ZBBX: variants seen among roughly 807,000 people sequenced by gnomAD.
ZBBX encodes the protein zinc finger B-box domain containing, also known as zinc finger B-box domain-containing protein 1.
Under a neutral mutation model 108.5 loss-of-function variants are expected in ZBBX, and 101 were observed. The observed-to-expected ratio is 0.93, with a 90% CI of 0.79 to 1.10. The LOEUF is 1.10. Ranked by LOEUF, ZBBX falls within the 50% of genes least tolerant of loss-of-function variation. The pLI is 0.00. For synonymous variants in ZBBX, 356 were observed against 323.4 expected (o/e 1.10, Z -1.08); for missense variants, 1,009 against 941.4 (o/e 1.07, Z -0.94).
At chr3:167,229,143 T>C in the ZBBX span, among the ~76,000 whole-genome samples, 3 of 151,916 alleles carry the variant, frequency 2.0e-5, no homozygotes, top group South Asian at 6.2e-4. Flanking sequence ...TGATCATCAA[T>C]GAACTTATTA....
chr3:167,280,126 A>G (rs1268984338), intron 20 of ZBBX, among the ~76,000 whole-genome samples: 1 of 152,208 alleles, frequency 6.6e-6, no homozygotes, highest in African/African-American at 2.4e-5. Flanking sequence ...TAAACTTTAG[A>G]CCAAAAACCA....
At chr3:167,404,132 G>A (rs917745224) in intron 1 of ZBBX, among the ~76,000 whole-genome samples, 6 of 151,950 alleles carry the variant, frequency 3.9e-5, no homozygotes, top group Admixed American at 2.0e-4. Flanking sequence ...GACCTGGTTC[G>A]GCTATATGAA....
the ZBBX span, among the ~76,000 whole-genome samples, chr3:167,181,917 C>T: frequency 6.6e-6 from 1 of 152,152 alleles, no homozygotes; most frequent in East Asian, 1.9e-4. Flanking sequence ...ATCTTTTGTG[C>T]AGCATAAATC....
chr3:167,235,491 G>A (rs1459973698), downstream of ZBBX, among the ~76,000 whole-genome samples: 6 of 151,368 alleles, frequency 4.0e-5, no homozygotes, highest in Non-Finnish European at 7.4e-5. Flanking sequence ...TAACTAGAAT[G>A]TGTAGATATA....
intron 1 of ZBBX, among the ~76,000 whole-genome samples, chr3:167,401,925 A>G (rs142953699): frequency 6.6e-6 from 1 of 152,262 alleles, no homozygotes; most frequent in African/African-American, 2.4e-5. Context: ...CTGTCAATGA[A>G]CCATGAAAGG....
chr3:167,305,134 C>T (rs75080861), intron 17 of ZBBX, among the ~76,000 whole-genome samples: 7,636 of 152,016 alleles, frequency 0.05, 527 homozygotes, highest in African/African-American at 0.15. Context: ...TAATGAGCTA[C>T]TTTACCTTTC....
rs114880266 is a variant in ZBBX at position 167,268,151 on chromosome 3, G to A, written c.2254+14087C>T. Among the ~76,000 whole-genome samples the A allele has an allele frequency of 6.1e-3, 932 of 152,110 alleles. 6 individuals are homozygous for A. Among genetic ancestry groups the A allele is most frequent in the African/African-American group, 0.022 (904 of 41,468 alleles). On this transcript the variant is annotated intron_variant, in intron 20 of 21. Transcript: ENST00000675490. ...CTTGAGAGAGGTACCACAAGGAGGA[G>A]GTGCTATTGGCTTTGTAAGTGCTCC...
intron 1 of ZBBX, among the ~76,000 whole-genome samples, chr3:167,399,058 C>T (rs1198192512): frequency 2.6e-5 from 4 of 151,886 alleles, no homozygotes; most frequent in Non-Finnish European, 5.9e-5. Context: ...TTCGGAGTCC[C>T]CACCACCAAG....
chr3:167,312,773 A>G (rs1734810295), intron 16 of ZBBX, among the ~76,000 whole-genome samples: 1 of 152,180 alleles, frequency 6.6e-6, no homozygotes, highest in Non-Finnish European at 1.5e-5. Flanking sequence ...TGTACTTTAT[A>G]TTTGGCCATA....
chr3:167,224,790 G>C, the ZBBX span, among the ~76,000 whole-genome samples: 1 of 151,818 alleles, frequency 6.6e-6, no homozygotes, highest in Non-Finnish European at 1.5e-5. Flanking sequence ...GCAAATGGCA[G>C]TACTATCTCC....
In ZBBX at chr3:167,317,033, G is replaced by A; in HGVS notation, c.1166C>T (p.Pro389Leu). 1 of 1,608,276 alleles carries A rather than the reference G, an allele frequency of 6.2e-7. No individual in the cohort carries two copies. Among genetic ancestry groups the A allele is most frequent in the Non-Finnish European group, 8.5e-7 (1 of 1,176,654 alleles). ...ATCCAGTTCGACTATCTTTAGAGAT[G>A]GTTCAGGTCTCTCTATGTTTAATGT... ...VETLNIERPE[P>L]SLKIVELDDT... The change falls in exon 14 of 22, where the codon CCA (proline) becomes CTA (leucine). Residue 389 changes from proline (P) to leucine (L), a missense_variant. Transcript: ENST00000675490.
At chr3:167,216,394 A>T in the ZBBX span, among the ~76,000 whole-genome samples, 24 of 152,072 alleles carry the variant, frequency 1.6e-4, no homozygotes, top group Admixed American at 4.6e-4. Context: ...CAAAAATAAT[A>T]TATCTAGAAT....
Position 167,327,955 on chromosome 3 carries a change from A to G in ZBBX, c.849T>C (p.His283=), listed in dbSNP as rs757171286. The G allele has an allele frequency of 6.5e-7, 1 of 1,541,612 alleles. No individual in the cohort carries two copies. Among genetic ancestry groups the G allele is most frequent in the Non-Finnish European group, 8.9e-7 (1 of 1,129,390 alleles). The change falls in exon 11 of 22, where the codon CAT becomes CAC. Residue 283 remains histidine (H), a synonymous_variant. Coordinates refer to ENST00000675490, the MANE Select transcript of ZBBX (RefSeq NM_001199201.2). ...AAAAAGCCATACCTTTTACTGCTGCATGTAAATTCTGTTTCTTGTTGTCAT... is the reference window on the plus strand; with the variant it reads ...AAAAAGCCATACCTTTTACTGCTGCGTGTAAATTCTGTTTCTTGTTGTCAT... The part of the protein sequence containing the change: ...NHDDNKKQNL[H]AAVKDSLEEC...
chr3:167,305,284 T>C (rs576200985), intron 17 of ZBBX, among the ~76,000 whole-genome samples: 3 of 152,250 alleles, frequency 2.0e-5, no homozygotes, highest in East Asian at 3.9e-4. Context: ...ATTTTGACCA[T>C]TGACTATATT....
the ZBBX span, among the ~76,000 whole-genome samples, chr3:167,209,225 A>G: frequency 6.7e-6 from 1 of 148,392 alleles, no homozygotes; most frequent in Non-Finnish European, 1.5e-5. Context: ...GTAGAGCCCT[A>G]CAGCCTTGAG....
chr3:167,385,107 G>A (rs866775112), upstream of ZBBX, among the ~76,000 whole-genome samples: 56 of 152,118 alleles, frequency 3.7e-4, no homozygotes, highest in Middle Eastern at 0.017. Context: ...TTAATGATGA[G>A]GATATGTTCT....
At chr3:167,337,290 G>A (rs1367926230) in intron 9 of ZBBX, among the ~76,000 whole-genome samples, 1 of 152,096 alleles carries the variant, frequency 6.6e-6, no homozygotes, top group Non-Finnish European at 1.5e-5. Context: ...GGCCGAGGTG[G>A]GAGGATCACT....
At chr3:167,361,603 T>C (rs1382255805) in intron 6 of ZBBX, among the ~76,000 whole-genome samples, 1 of 152,168 alleles carries the variant, frequency 6.6e-6, no homozygotes, top group Non-Finnish European at 1.5e-5. Flanking sequence ...GTGAATCTAG[T>C]GGTTTTGCTT....
intron 6 of ZBBX, among the ~76,000 whole-genome samples, chr3:167,363,103 T>G (rs140939690): frequency 6.6e-6 from 1 of 152,070 alleles, no homozygotes; most frequent in African/African-American, 2.4e-5. Flanking sequence ...AATCTCAGAC[T>G]CTAAAGTTTT....
Sources: allele counts gnomAD v4.1 joint callset (sites outside exome capture counted in the v4.1 genomes callset), GRCh38; gene constraint gnomAD v4.1.1; transcripts MANE v1.5; gene names NCBI Gene and HGNC (gene_info 2026-07-23, HGNC 2026-07-21).